Variants in VPS8 observed in about 807,000 individuals in gnomAD.
VPS8 encodes VPS8 subunit of CORVET complex.
Under a neutral mutation model 216.4 loss-of-function variants are expected in VPS8, and 129 were observed. The ratio of observed to expected loss-of-function variants is 0.60; its 90% confidence interval spans 0.52 to 0.69. The LOEUF (loss-of-function observed/expected upper bound fraction) is 0.69. VPS8 is among the 30% of genes least tolerant of loss of function. VPS8 has a pLI of 0.00. For synonymous variants in VPS8, 571 were observed against 565.4 expected, an observed-to-expected ratio of 1.01 and a Z score of -0.14; for missense variants, 1,531 against 1,683.5, an observed-to-expected ratio of 0.91 and a Z score of 1.59.
At chr3:184,868,296 T>G in intron 18 of VPS8, 1 of 461,930 alleles carries the variant, frequency 2.2e-6, no homozygotes, top group Non-Finnish European at 3.8e-6. Context: ...AAGATTTCTC[T>G]GTCATGTAAA....
At chr3:184,983,203 G>C (rs907385606) in intron 42 of VPS8, 109 bp downstream of exon 42, 16 of 970,798 alleles carry the variant, frequency 1.6e-5, no homozygotes, top group Non-Finnish European at 2.3e-5. Context: ...GCATAATGCA[G>C]CTAATTTTTG....
chr3:184,910,709 C>T (rs567316949), intron 25 of VPS8, among the ~76,000 whole-genome samples: 3 of 152,256 alleles, frequency 2.0e-5, no homozygotes, highest in Admixed American at 1.3e-4. Flanking sequence ...CTTTTCTGAT[C>T]GCCGCCGTGC....
At chr3:184,874,260 C>T (rs554366565) in intron 21 of VPS8, among the ~76,000 whole-genome samples, 1 of 152,224 alleles carries the variant, frequency 6.6e-6, no homozygotes, top group Non-Finnish European at 1.5e-5. Flanking sequence ...TTCATTAAAG[C>T]ATTTGCCTAA....
intron 2 of VPS8, among the ~76,000 whole-genome samples, chr3:184,825,354 C>T (rs571671032): frequency 5.9e-5 from 9 of 152,124 alleles, no homozygotes; most frequent in African/African-American, 2.2e-4. Flanking sequence ...AGTGGTAGTT[C>T]CTTATCTTGC....
chr3:184,961,916 A>G (rs965231011), intron 37 of VPS8, among the ~76,000 whole-genome samples: 1 of 151,900 alleles, frequency 6.6e-6, no homozygotes, highest in Non-Finnish European at 1.5e-5. Context: ...ATAGGTGCAC[A>G]CCACCGTGCT....
At chr3:184,870,086 T>G (rs2377107) in intron 20 of VPS8, among the ~76,000 whole-genome samples, 35,203 of 152,048 alleles carry the variant, frequency 0.23, 4,932 homozygotes, top group East Asian at 0.63. Context: ...CACAGAAAAT[T>G]GACATTTGTT....
At chr3:184,826,976 C>T (rs1202539620) in intron 3 of VPS8, among the ~76,000 whole-genome samples, 1 of 152,200 alleles carries the variant, frequency 6.6e-6, no homozygotes, top group Non-Finnish European at 1.5e-5. Context: ...CTGCTGACAA[C>T]CCTTCAACTC....
intron 23 of VPS8, among the ~76,000 whole-genome samples, chr3:184,895,586 CTGCT>C (rs1733234239): frequency 1.0e-5 from 1 of 98,520 alleles, no homozygotes; most frequent in Non-Finnish European, 2.1e-5. Flanking sequence ...TTTCCTCCTC[CTGCT>C]CCTCCTCCTC....
chr3:184,960,666 C>A (rs1746358994), intron 37 of VPS8, among the ~76,000 whole-genome samples: 1 of 152,134 alleles, frequency 6.6e-6, no homozygotes, highest in African/African-American at 2.4e-5. Flanking sequence ...GCTTCAGGGA[C>A]CCTCTGCAAC....
intron 46 of VPS8, among the ~76,000 whole-genome samples, chr3:185,031,024 C>T (rs1020003936): frequency 7.3e-6 from 1 of 137,346 alleles, no homozygotes; most frequent in African/African-American, 2.8e-5. Context: ...ATATAGACAG[C>T]TATACTTGCT....
intron 30 of VPS8, among the ~76,000 whole-genome samples, chr3:184,926,237 C>T (rs1333342237): frequency 6.6e-6 from 1 of 151,620 alleles, no homozygotes; most frequent in African/African-American, 2.4e-5. Context: ...ATGAGCCGGG[C>T]GTGGTGGCGG....
intron 36 of VPS8, 97 bp from the exon 37 acceptor site, chr3:184,957,277 G>A (rs1200618087): frequency 7.8e-7 from 1 of 1,280,242 alleles, no homozygotes; most frequent in Admixed American, 2.5e-5. Context: ...GGTAGTCCTA[G>A]TTTTAATGTA....
At chr3:184,941,050 A>C (rs1742592296) in intron 36 of VPS8, among the ~76,000 whole-genome samples, 1 of 152,236 alleles carries the variant, frequency 6.6e-6, no homozygotes, top group Non-Finnish European at 1.5e-5. Flanking sequence ...GTAATTTTCC[A>C]AGATGACATA....
At chr3:184,971,524 T>G (rs983456299) in intron 39 of VPS8, 125 bp from the exon 40 acceptor site, 11 of 589,382 alleles carry the variant, frequency 1.9e-5, no homozygotes, top group Middle Eastern at 3.7e-4. Flanking sequence ...GCATCAGGTT[T>G]TATTAATTAT....
chr3:184,942,217 T>C (rs1742841318), intron 36 of VPS8, among the ~76,000 whole-genome samples: 1 of 152,220 alleles, frequency 6.6e-6, no homozygotes, highest in African/African-American at 2.4e-5. Flanking sequence ...CTTGCTCCCT[T>C]CTTACCTATA....
chr3:184,822,828 G>A (rs1037038366), intron 1 of VPS8, among the ~76,000 whole-genome samples: 1 of 152,186 alleles, frequency 6.6e-6, no homozygotes, highest in Non-Finnish European at 1.5e-5. Flanking sequence ...AGAACCTGAT[G>A]TTGGAAAGAT....
intron 45 of VPS8, among the ~76,000 whole-genome samples, chr3:185,010,889 G>A (rs185327375): frequency 4.9e-4 from 74 of 152,154 alleles, no homozygotes; most frequent in African/African-American, 1.3e-3. Flanking sequence ...TGTGGTCCCA[G>A]CTGAGGAGCT....
chr3:184,894,588 A>T, intron 22 of VPS8, 115 bp from the exon 23 acceptor site: 1 of 776,448 alleles, frequency 1.3e-6, no homozygotes, highest in Non-Finnish European at 2.0e-6. Context: ...TTGCCATTTT[A>T]AATAAACTCA....
At chr3:184,828,419 A>G (rs1719279983) in intron 3 of VPS8, among the ~76,000 whole-genome samples, 1 of 152,192 alleles carries the variant, frequency 6.6e-6, no homozygotes, top group Admixed American at 6.5e-5. Flanking sequence ...GATTGTAGGC[A>G]TGAGCCACCA....
Sources: allele counts gnomAD v4.1 joint callset (sites outside exome capture counted in the v4.1 genomes callset), GRCh38; gene constraint gnomAD v4.1.1; transcripts MANE v1.5; gene names NCBI Gene and HGNC (gene_info 2026-07-23, HGNC 2026-07-21).